CSMD1: variants seen among roughly 807,000 people sequenced by gnomAD.
The protein encoded by CSMD1 is CUB and Sushi multiple domains 1, also known as CUB and sushi domain-containing protein 1.
Under a neutral mutation model 417.5 loss-of-function variants are expected in CSMD1, and 213 were observed. The ratio of observed to expected loss-of-function variants is 0.51; its 90% CI spans 0.46 to 0.57. CSMD1 has a LOEUF of 0.57. CSMD1 is among the 20% of genes least tolerant of loss of function. The pLI is 0.00. For missense variants in CSMD1, 6,923 were observed against 4,529.7 expected, an observed-to-expected ratio of 1.53 and a Z score of -15.17; for synonymous variants, 2,862 against 1,736.8, an observed-to-expected ratio of 1.65 and a Z score of -16.11.
intron 9 of CSMD1, among the ~76,000 whole-genome samples, chr8:3,585,715 C>T (rs1800570474): frequency 6.6e-6 from 1 of 152,064 alleles, no homozygotes; most frequent in Non-Finnish European, 1.5e-5. Flanking sequence ...GCTAACAATT[C>T]CTTTTATTAC....
intron 3 of CSMD1, among the ~76,000 whole-genome samples, chr8:4,378,112 T>C (rs1265651022): frequency 6.6e-6 from 1 of 152,176 alleles, no homozygotes; most frequent in Non-Finnish European, 1.5e-5. Context: ...AGAAGCCAAA[T>C]TTTACGGGTG....
intron 1 of CSMD1, among the ~76,000 whole-genome samples, chr8:4,768,115 A>G (rs1215063916): frequency 6.6e-6 from 1 of 152,076 alleles, no homozygotes; most frequent in Admixed American, 6.6e-5. Context: ...CATAACTGTA[A>G]AAGAAAATTA....
chr8:3,160,260 C>G (rs1023317470), intron 38 of CSMD1, among the ~76,000 whole-genome samples: 3 of 151,944 alleles, frequency 2.0e-5, no homozygotes, highest in African/African-American at 7.3e-5. Context: ...GTAACTGGGA[C>G]TAAAGGAATG....
rs1438090022 is a variant in CSMD1 at position 3,681,540 on chromosome 8, G to A, written c.1009+26874C>T. On this transcript the variant is annotated intron_variant, in intron 7 of 69. Transcript: ENST00000635120. ...AACCACTGCTCAATGAAATAAAAGA[G>A]GATACAAACAAATGGAAGAACATTC... Among the ~76,000 whole-genome samples the A allele has an allele frequency of 2.0e-5, 3 of 152,066 alleles. No individual in the cohort carries two copies. The East Asian group carries it at 5.8e-4, about 29-fold the overall frequency.
At chr8:3,072,589 C>T (rs1039076666) in intron 49 of CSMD1, among the ~76,000 whole-genome samples, 2 of 152,086 alleles carry the variant, frequency 1.3e-5, no homozygotes, top group African/African-American at 4.8e-5. Context: ...GGTTTCCAGC[C>T]CAAATTAAAG....
intron 7 of CSMD1, among the ~76,000 whole-genome samples, chr8:3,656,538 G>T (rs965571471): frequency 1.3e-5 from 2 of 152,182 alleles, no homozygotes; most frequent in African/African-American, 4.8e-5. Flanking sequence ...AAAATAATGG[G>T]TAGATGCTCA....
At chr8:3,896,048 G>C (rs977539773) in intron 5 of CSMD1, among the ~76,000 whole-genome samples, 1 of 152,214 alleles carries the variant, frequency 6.6e-6, no homozygotes, top group Non-Finnish European at 1.5e-5. Context: ...TGACTGCGGA[G>C]CGCTGGACTC....
rs201710920 is a variant in CSMD1 at position 3,343,463 on chromosome 8, C to G, written c.3475-13G>C. 531 of 1,609,886 alleles carry G rather than the reference C, an allele frequency of 3.3e-4. No homozygotes were observed. The highest frequency in any genetic ancestry group is 3.3e-4 in the Non-Finnish European group (384 of 1,176,916). ...TTCCATCATATACCTGATGAAAATTCACAGCATGAGTCCCTCTATGCCTTC... is the reference window on the plus strand; with the variant it reads ...TTCCATCATATACCTGATGAAAATTGACAGCATGAGTCCCTCTATGCCTTC... On this transcript the variant is annotated splice_polypyrimidine_tract_variant and intron_variant, in intron 22 of 69. Coordinates refer to ENST00000635120, the MANE Select transcript of CSMD1 (RefSeq NM_033225.6).
At chr8:3,331,043 T>A (rs2730042) in intron 23 of CSMD1, among the ~76,000 whole-genome samples, 6,950 of 151,918 alleles carry the variant, frequency 0.046, 373 homozygotes, top group East Asian at 0.24. Context: ...CAGGTCAGGA[T>A]ATCGAGACCA....
chr8:4,710,661 A>G (rs1808228895), intron 1 of CSMD1, among the ~76,000 whole-genome samples: 1 of 151,038 alleles, frequency 6.6e-6, no homozygotes, highest in Admixed American at 6.6e-5. Context: ...CTGGCTAACA[A>G]GGTGAAACCC....
rs762616652 is a variant in CSMD1, at chr8:3,205,545, C to G, written c.4943G>C (p.Gly1648Ala). The G allele has an allele frequency of 1.2e-6, 2 of 1,601,288 alleles. No individual in the cohort carries two copies. Among genetic ancestry groups the G allele is most frequent in the South Asian group, 2.2e-5 (2 of 88,942 alleles). Residue 1648 changes from glycine (G) to alanine (A), a missense_variant, in exon 31 of 70, where the codon GGT becomes GCT. Coordinates refer to ENST00000635120, the MANE Select transcript of CSMD1 (RefSeq NM_033225.6). ...CGTGATGGAATAGAGGCATATTTGA[C>G]CAGCTGTGTAATTATGGGGGTAGTT... ...SPNYPHNYTA[G>A]QICLYSITVP...
intron 4 of CSMD1, among the ~76,000 whole-genome samples, chr8:4,028,518 T>C (rs1797180085): frequency 6.6e-6 from 1 of 151,334 alleles, no homozygotes; most frequent in Non-Finnish European, 1.5e-5. Context: ...GAAAAAAAAA[T>C]AGGCAAATAT....
At chr8:4,021,835 A>T (rs1479863325) in intron 4 of CSMD1, among the ~76,000 whole-genome samples, 1 of 152,156 alleles carries the variant, frequency 6.6e-6, no homozygotes, top group Non-Finnish European at 1.5e-5. Flanking sequence ...CCGGGGCTCT[A>T]GTTGGCTCAG....
intron 15 of CSMD1, among the ~76,000 whole-genome samples, chr8:3,404,946 T>G (rs1332468487): frequency 6.6e-6 from 1 of 152,162 alleles, no homozygotes; most frequent in Non-Finnish European, 1.5e-5. Flanking sequence ...AAAACATTCT[T>G]GAAAAAAACC....
intron 1 of CSMD1, among the ~76,000 whole-genome samples, chr8:4,898,492 C>G (rs1363630016): frequency 1.3e-5 from 2 of 152,180 alleles, no homozygotes; most frequent in Non-Finnish European, 2.9e-5. Flanking sequence ...AAATGCTTGC[C>G]TGCTCACTCC....
chr8:4,265,606 T>G (rs1386952351), intron 3 of CSMD1, among the ~76,000 whole-genome samples: 1 of 105,826 alleles, frequency 9.4e-6, no homozygotes, highest in Non-Finnish European at 2.5e-5. Flanking sequence ...ACAAGGATAA[T>G]TATTAAAAAT....
At chr8:3,102,601 G>T (rs1042466619) in intron 46 of CSMD1, among the ~76,000 whole-genome samples, 4 of 152,152 alleles carry the variant, frequency 2.6e-5, no homozygotes, top group African/African-American at 2.4e-5. Flanking sequence ...ATCTTTAGGG[G>T]ATCATGTCAT....
intron 8 of CSMD1, among the ~76,000 whole-genome samples, chr8:3,600,954 A>G (rs1369005479): frequency 3.3e-5 from 5 of 152,198 alleles, no homozygotes; most frequent in African/African-American, 9.7e-5. Context: ...ATTGATTGCA[A>G]TGTCAAGAAA....
intron 50 of CSMD1, among the ~76,000 whole-genome samples, chr8:3,031,989 T>TATAC (rs1195450629): frequency 4.7e-5 from 7 of 150,254 alleles, no homozygotes; most frequent in East Asian, 3.9e-4. Flanking sequence ...TATATATATA[T>TATAC]ACACATAATA....
Sources: allele counts gnomAD v4.1 joint callset (sites outside exome capture counted in the v4.1 genomes callset), GRCh38; gene constraint gnomAD v4.1.1; transcripts MANE v1.5; gene names NCBI Gene and HGNC (gene_info 2026-07-23, HGNC 2026-07-21).